Variants in AIG1 observed in about 807,000 individuals in gnomAD.
The protein encoded by AIG1 is androgen induced 1, also known as androgen-induced gene 1 protein.
A neutral mutation model predicts 31.4 loss-of-function variants in AIG1; 23 were observed. The ratio of observed to expected loss-of-function variants is 0.73; its 90% CI spans 0.53 to 1.04. The LOEUF (loss-of-function observed/expected upper bound fraction) is 1.04. Ranked by LOEUF, AIG1 falls within the 50% of genes least tolerant of loss-of-function variation. AIG1 has a pLI of 0.00. For synonymous variants in AIG1, 100 were observed against 110.5 expected, an observed-to-expected ratio of 0.90 and a Z score of 0.60; for missense variants, 274 against 295.0, an observed-to-expected ratio of 0.93 and a Z score of 0.52.
intron 1 of AIG1, among the ~76,000 whole-genome samples, chr6:143,108,392 C>G (rs1780984567): frequency 6.6e-6 from 1 of 152,108 alleles, no homozygotes; most frequent in South Asian, 2.1e-4. Context: ...ATCTCCTGAC[C>G]ACGATGGTCA....
At chr6:143,290,975 G>T (rs1048370282) in intron 4 of AIG1, among the ~76,000 whole-genome samples, 1 of 152,124 alleles carries the variant, frequency 6.6e-6, no homozygotes, top group Non-Finnish European at 1.5e-5. Context: ...GGTCTTTGCA[G>T]TCTTGAGTTT....
chr6:143,250,549 A>G (rs993375372), intron 3 of AIG1, among the ~76,000 whole-genome samples: 1 of 152,212 alleles, frequency 6.6e-6, no homozygotes, highest in African/African-American at 2.4e-5. Context: ...AGAGGAGTTT[A>G]TTCTGGATTA....
At chr6:143,145,788 C>A (rs1205968480) in intron 2 of AIG1, among the ~76,000 whole-genome samples, 2 of 151,952 alleles carry the variant, frequency 1.3e-5, no homozygotes, top group Non-Finnish European at 2.9e-5. Flanking sequence ...TAAGTAAAAA[C>A]TAGTAGGATT....
At chr6:143,125,190 T>G (rs1782591708) in intron 1 of AIG1, among the ~76,000 whole-genome samples, 1 of 152,236 alleles carries the variant, frequency 6.6e-6, no homozygotes, top group Non-Finnish European at 1.5e-5. Flanking sequence ...TTAGAAAATT[T>G]ACTGCACTTC....
At chr6:143,320,934 G>A (rs1046673151) in intron 4 of AIG1, among the ~76,000 whole-genome samples, 1 of 150,556 alleles carries the variant, frequency 6.6e-6, no homozygotes, top group African/African-American at 2.5e-5. Context: ...CGATTCTCCT[G>A]CCTCAGCCTC....
chr6:143,078,887 T>C (rs961358829), intron 1 of AIG1, among the ~76,000 whole-genome samples: 5 of 152,230 alleles, frequency 3.3e-5, no homozygotes, highest in African/African-American at 1.2e-4. Context: ...ATTTTGTTTA[T>C]CTGTTTAAGC....
chr6:143,272,111 A>G (rs1796565823), intron 3 of AIG1, among the ~76,000 whole-genome samples: 1 of 152,158 alleles, frequency 6.6e-6, no homozygotes, highest in Admixed American at 6.5e-5. Context: ...CTGTATGTGT[A>G]TACTATTTCT....
intron 1 of AIG1, among the ~76,000 whole-genome samples, chr6:143,072,502 CCTTT>C (rs1777380462): frequency 6.6e-6 from 1 of 151,956 alleles, no homozygotes; most frequent in Admixed American, 6.6e-5. Flanking sequence ...TTAGAAGGAT[CCTTT>C]CTTGTTTCTT....
chr6:143,323,285 C>T (rs1412098756), intron 4 of AIG1, among the ~76,000 whole-genome samples: 1 of 152,096 alleles, frequency 6.6e-6, no homozygotes, highest in Non-Finnish European at 1.5e-5. Flanking sequence ...ATCCTTAAAC[C>T]AAGTGTGATC....
chr6:143,223,593 C>T (rs1205769703), intron 3 of AIG1, among the ~76,000 whole-genome samples: 2 of 152,126 alleles, frequency 1.3e-5, no homozygotes, highest in African/African-American at 2.4e-5. Context: ...TTCATGCTTA[C>T]GGCAACAGGG....
chr6:143,240,648 TG>T (rs1476819199), intron 3 of AIG1, among the ~76,000 whole-genome samples: 2 of 152,202 alleles, frequency 1.3e-5, no homozygotes, highest in African/African-American at 4.8e-5. Flanking sequence ...TGTTTGGGTT[TG>T]GGGTTTTTGA....
At chr6:143,300,834 A>G (rs1291483865) in intron 4 of AIG1, among the ~76,000 whole-genome samples, 2 of 152,244 alleles carry the variant, frequency 1.3e-5, no homozygotes, top group Non-Finnish European at 1.5e-5. Context: ...TGAAGAAGGC[A>G]TCATGGAGAA....
At chr6:143,149,965 A>C (rs1785057559) in intron 2 of AIG1, among the ~76,000 whole-genome samples, 1 of 152,222 alleles carries the variant, frequency 6.6e-6, no homozygotes, top group Non-Finnish European at 1.5e-5. Flanking sequence ...TAGCTACACA[A>C]CTGCAAAAAA....
chr6:143,137,389 A>G (rs1235289184), intron 2 of AIG1, among the ~76,000 whole-genome samples: 2 of 152,236 alleles, frequency 1.3e-5, no homozygotes, highest in South Asian at 2.1e-4. Flanking sequence ...TGAGAAACCC[A>G]GTCTCCAAAT....
At chr6:143,165,573 C>T (rs149083659) in intron 3 of AIG1, among the ~76,000 whole-genome samples, 3 of 152,326 alleles carry the variant, frequency 2.0e-5, no homozygotes, top group Non-Finnish European at 4.4e-5. Context: ...CGCCTCACAT[C>T]GTCTGGATTT....
chr6:143,239,669 G>A (rs1016240036), intron 3 of AIG1, among the ~76,000 whole-genome samples: 6 of 152,162 alleles, frequency 3.9e-5, no homozygotes, highest in East Asian at 3.9e-4. Context: ...TAAGACATGT[G>A]TTATTGCATC....
upstream of AIG1, among the ~76,000 whole-genome samples, chr6:143,059,352 T>C (rs1338588277): frequency 1.3e-5 from 2 of 152,216 alleles, no homozygotes; most frequent in African/African-American, 4.8e-5. Context: ...CGCTTCATTC[T>C]TGAAGTCACT....
At chr6:143,250,445 G>A (rs1794931957) in intron 3 of AIG1, among the ~76,000 whole-genome samples, 1 of 152,170 alleles carries the variant, frequency 6.6e-6, no homozygotes, top group South Asian at 2.1e-4. Context: ...ATATCCACAT[G>A]TAAATCTCCA....
Position 143,333,589 on chromosome 6 carries a change from A to G in AIG1, c.679+144A>G, listed in dbSNP as rs1777256841. 1 of 797,600 alleles carries G rather than the reference A, an allele frequency of 1.3e-6. No homozygotes were observed. Among genetic ancestry groups the G allele is most frequent in the Non-Finnish European group, 1.8e-6 (1 of 555,798 alleles). 49.4% of individuals were successfully genotyped at this position (797,600 alleles called of 1,614,324 possible). A position where few individuals can be genotyped will look rare whatever the true frequency, so the allele number is the denominator to read the frequency against. ...TAAAGAGCTCCATTTTTAAAACTACAATATGAATTTAAGAGCTGCTGACAG... is the reference window on the plus strand; with the variant it reads ...TAAAGAGCTCCATTTTTAAAACTACGATATGAATTTAAGAGCTGCTGACAG... On this transcript the variant is annotated intron_variant, in intron 5 of 5. Transcript: ENST00000357847. This position sits in a 1 kb window ranked among gnomAD's most constrained non-coding sequence, Gnocchi z 4.6.
Sources: gnomAD v4.1 joint callset for allele counts (sites outside exome capture counted in the v4.1 genomes callset) on GRCh38, gnomAD v4.1.1 for gene constraint, Gnocchi (gnomAD v3.1) non-coding constraint, MANE v1.5 for transcripts, NCBI Gene and HGNC (gene_info 2026-07-23, HGNC 2026-07-21) for gene names.